Variants in DCBLD1 observed in about 807,000 individuals in gnomAD.
The protein encoded by DCBLD1 is discoidin, CUB and LCCL domain containing 1.
DCBLD1 carries 57 observed loss-of-function variants against 71.5 expected under a neutral mutation model. That is an observed-to-expected ratio of 0.80 (90% CI 0.64 to 0.99). The LOEUF (loss-of-function observed/expected upper bound fraction) is 0.99, where lower values mean the gene tolerates loss of function less well. Among genes scored for constraint, DCBLD1 ranks in the 50% least tolerant of loss-of-function variants. The probability of loss-of-function intolerance (pLI) is 0.00; values close to 1 mark genes in which losing one functional copy is unlikely to be tolerated. For missense variants in DCBLD1, 891 were observed against 923.5 expected, an observed-to-expected ratio of 0.96 and a Z score of 0.46; for synonymous variants, 380 against 363.8, an observed-to-expected ratio of 1.04 and a Z score of -0.51.
At chr6:117,504,431 G>A (rs1777770434) in intron 2 of DCBLD1, among the ~76,000 whole-genome samples, 1 of 152,210 alleles carries the variant, frequency 6.6e-6, no homozygotes, top group African/African-American at 2.4e-5. Context: ...TCTGTAGTAT[G>A]AGAGATGGTG....
At chr6:117,525,166 A>C (rs1778509460) in intron 4 of DCBLD1, among the ~76,000 whole-genome samples, 196 bp from the exon 5 acceptor site, 1 of 152,176 alleles carries the variant, frequency 6.6e-6, no homozygotes, top group Non-Finnish European at 1.5e-5. Context: ...ATATAAAACT[A>C]ATAATTATTG....
intron 1 of DCBLD1, among the ~76,000 whole-genome samples, chr6:117,489,241 G>C (rs1249791081): frequency 6.6e-6 from 1 of 152,166 alleles, no homozygotes; most frequent in African/African-American, 2.4e-5. Context: ...CACATAGTGA[G>C]AGACAGAGCA....
chr6:117,509,985 A>C (rs1265860868), intron 2 of DCBLD1, among the ~76,000 whole-genome samples: 1 of 152,136 alleles, frequency 6.6e-6, no homozygotes. Flanking sequence ...TTTCTCCTTG[A>C]AGAACCTCTT....
chr6:117,544,709 T>A, intron 13 of DCBLD1, 132 bp downstream of exon 13: 1 of 822,324 alleles, frequency 1.2e-6, no homozygotes, highest in Non-Finnish European at 1.9e-6. Flanking sequence ...GCCTTTAAAG[T>A]AGCATATCTA....
chr6:117,547,761 C>G (rs1779317449), intron 14 of DCBLD1, 146 bp from the exon 15 acceptor site: 1 of 1,526,186 alleles, frequency 6.6e-7, no homozygotes, highest in South Asian at 1.2e-5. Flanking sequence ...GCTTTCACAT[C>G]AGGGTTTTCC....
At chr6:117,513,769 C>A (rs1346228426) in intron 2 of DCBLD1, among the ~76,000 whole-genome samples, 2 of 152,206 alleles carry the variant, frequency 1.3e-5, no homozygotes, top group Non-Finnish European at 2.9e-5. Context: ...TTTTGCCAAT[C>A]TAAGAACACT....
chr6:117,519,160 C>T (rs1486370928), intron 2 of DCBLD1, among the ~76,000 whole-genome samples: 1 of 152,110 alleles, frequency 6.6e-6, no homozygotes, highest in East Asian at 1.9e-4. Context: ...TAATTTTGCC[C>T]TTTGAAAGTT....
Position 117,548,416 on chromosome 6 carries a change from A to G in DCBLD1, c.2125A>G (p.Thr709Ala). 1 of 1,550,568 alleles carries G rather than the reference A, an allele frequency of 6.4e-7. No individual in the cohort carries two copies. Among genetic ancestry groups the G allele is most frequent in the Non-Finnish European group, 8.7e-7 (1 of 1,146,994 alleles). ...PRDCLTPLNQ[T>A]AMTALL ...AGACTGCCTCACACCCCTCAACCAG[A>G]CGGCCATGACTGCCCTTTTGTGAAC... The change falls in exon 15 of 15, where the codon ACG (threonine) becomes GCG (alanine). Residue 709 changes from threonine to alanine, a missense_variant. Physicochemically the swap from Thr to Ala is moderately conservative, Grantham distance 58. Transcript: ENST00000338728.
intron 1 of DCBLD1, among the ~76,000 whole-genome samples, chr6:117,489,701 C>T (rs561302216): frequency 1.2e-4 from 18 of 152,020 alleles, no homozygotes; most frequent in South Asian, 2.1e-4. Context: ...TGGTCTAACT[C>T]GGTGAAACCC....
chr6:117,517,803 A>G (rs1279745873), intron 2 of DCBLD1, among the ~76,000 whole-genome samples: 1 of 152,160 alleles, frequency 6.6e-6, no homozygotes, highest in Non-Finnish European at 1.5e-5. Flanking sequence ...GACACAAGAC[A>G]CCAAGTTCCT....
intron 4 of DCBLD1, among the ~76,000 whole-genome samples, chr6:117,524,361 C>T (rs571085163): frequency 1.1e-3 from 167 of 151,968 alleles, no homozygotes; most frequent in Non-Finnish European, 1.5e-3. Flanking sequence ...GCCACCACAC[C>T]GGGCTAATTT....
Position 117,538,814 on chromosome 6 carries a change from G to A in DCBLD1, c.955G>A (p.Gly319Arg). 6.2e-7 allele frequency: 1 copy of A among 1,613,350 alleles called. No individual in the cohort carries two copies. The highest frequency in any genetic ancestry group is 8.5e-7 in the Non-Finnish European group (1 of 1,179,710). ...ACGAGAGTGGCTGGAGATCGATTTG[G>A]GGGAGAAAAAGAAAATAACAGGTGC... Reference protein sequence around the residue: ...KPREWLEIDLGEKKKITGIRT... With the variant: ...KPREWLEIDLREKKKITGIRT... Residue 319 changes from glycine (G) to arginine (R), a missense_variant, in exon 8 of 15, where the codon GGG becomes AGG. Coordinates refer to ENST00000338728, the MANE Select transcript of DCBLD1 (RefSeq NM_001366458.2).
At chr6:117,541,054 A>G in intron 11 of DCBLD1, 29 bp downstream of exon 11, 1 of 1,611,324 alleles carries the variant, frequency 6.2e-7, no homozygotes, top group Non-Finnish European at 8.5e-7. Flanking sequence ...GTGGTTTCAT[A>G]AGGAGCATAA....
At chr6:117,554,515 C>T (rs1779471477), downstream of DCBLD1, among the ~76,000 whole-genome samples, 1 of 152,152 alleles carries the variant, frequency 6.6e-6, no homozygotes, top group Non-Finnish European at 1.5e-5. Flanking sequence ...TTAGATGTCC[C>T]AATGTTAAAC....
Position 117,545,607 on chromosome 6 carries a change from A to G in DCBLD1, c.1615+10A>G, listed in dbSNP as rs762120514. On this transcript the variant is annotated intron_variant, in intron 14 of 14. Transcript: ENST00000338728. ...ACAAGTGATATGGCAGGTAAGTGTC[A>G]TATTTCTAGGACTGTGCTATTAGAT... The G allele has an allele frequency of 3.7e-6, 6 of 1,613,098 alleles. No individual in the cohort carries two copies. The African/African-American group carries it at 5.3e-5, about 14-fold the overall frequency.
chr6:117,528,872 G>A (rs1405910004), intron 5 of DCBLD1, among the ~76,000 whole-genome samples: 3 of 152,244 alleles, frequency 2.0e-5, no homozygotes, highest in African/African-American at 2.4e-5. Flanking sequence ...ACAGAGTCTC[G>A]TTCTGTCACC....
chr6:117,503,212 T>C (rs1489456477), intron 1 of DCBLD1, among the ~76,000 whole-genome samples: 1 of 152,208 alleles, frequency 6.6e-6, no homozygotes, highest in Non-Finnish European at 1.5e-5. Flanking sequence ...TGAGGAACTT[T>C]AGAATCTGTG....
chr6:117,488,502 G>A (rs374794489), intron 1 of DCBLD1, among the ~76,000 whole-genome samples: 33 of 152,130 alleles, frequency 2.2e-4, no homozygotes, highest in South Asian at 8.3e-4. Flanking sequence ...AAAATTTGCC[G>A]GGCGTGGTGG....
intron 1 of DCBLD1, among the ~76,000 whole-genome samples, chr6:117,493,217 A>T (rs35837924): frequency 0.048 from 7,242 of 152,286 alleles, 221 homozygotes; most frequent in Non-Finnish European, 0.072. Context: ...ATCTTACAGG[A>T]TCCAACAGAA....
Sources: allele counts gnomAD v4.1 joint callset (sites outside exome capture counted in the v4.1 genomes callset), GRCh38; gene constraint gnomAD v4.1.1; transcripts MANE v1.5; gene names NCBI Gene and HGNC (gene_info 2026-07-23, HGNC 2026-07-21).